Variants in PHLDB2 observed in about 807,000 individuals in gnomAD.
PHLDB2 encodes pleckstrin homology-like domain family B member 2.
A neutral mutation model predicts 123.6 loss-of-function variants in PHLDB2; 71 were observed. The observed-to-expected ratio is 0.57, with a 90% CI of 0.47 to 0.70. PHLDB2 has a LOEUF of 0.70. Ranked by LOEUF, PHLDB2 falls within the 30% of genes least tolerant of loss-of-function variation. PHLDB2 has a pLI of 0.00. For missense variants in PHLDB2, 1,446 were observed against 1,519.5 expected, an observed-to-expected ratio of 0.95 and a Z score of 0.80; for synonymous variants, 547 against 541.6, an observed-to-expected ratio of 1.01 and a Z score of -0.14.
At chr3:111,898,563 A>G (rs2107429504) in intron 2 of PHLDB2, among the ~76,000 whole-genome samples, 1 of 152,312 alleles carries the variant, frequency 6.6e-6, no homozygotes, top group African/African-American at 2.4e-5. Context: ...CCTCTGCAGC[A>G]TGCAACGCTG....
intron 1 of PHLDB2, among the ~76,000 whole-genome samples, chr3:111,760,257 T>A (rs2059969984): frequency 6.6e-6 from 1 of 152,230 alleles, no homozygotes; most frequent in Non-Finnish European, 1.5e-5. Flanking sequence ...ACATTGTCCA[T>A]CAGCAGAAAC....
chr3:111,736,508 C>G (rs2059510421), intron 1 of PHLDB2, among the ~76,000 whole-genome samples: 2 of 152,190 alleles, frequency 1.3e-5, no homozygotes, highest in African/African-American at 4.8e-5. Flanking sequence ...CAGTCTCACT[C>G]AGCTAAGTCC....
intron 1 of PHLDB2, among the ~76,000 whole-genome samples, chr3:111,811,649 C>A: frequency 6.6e-6 from 1 of 152,120 alleles, no homozygotes; most frequent in Non-Finnish European, 1.5e-5. Context: ...TCACTACACA[C>A]ACACATACAC....
At chr3:111,961,975 C>G in intron 12 of PHLDB2, 133 bp from the exon 13 acceptor site, 1 of 823,424 alleles carries the variant, frequency 1.2e-6, no homozygotes, top group Non-Finnish European at 1.9e-6. Flanking sequence ...ATCTTCTTGG[C>G]TTCAAAACAA....
At chr3:111,798,903 C>T (rs971906858) in intron 1 of PHLDB2, among the ~76,000 whole-genome samples, 2 of 152,124 alleles carry the variant, frequency 1.3e-5, no homozygotes, top group Non-Finnish European at 2.9e-5. Flanking sequence ...CTAATAAAGA[C>T]ATACCCAAGA....
At chr3:111,781,823 C>T (rs758954783) in intron 1 of PHLDB2, among the ~76,000 whole-genome samples, 6 of 152,012 alleles carry the variant, frequency 3.9e-5, no homozygotes, top group East Asian at 1.9e-4. Flanking sequence ...GAAAAGAATC[C>T]GGAGAACTTT....
chr3:111,743,200 G>A (rs2059631726), intron 1 of PHLDB2, among the ~76,000 whole-genome samples: 1 of 152,220 alleles, frequency 6.6e-6, no homozygotes, highest in Non-Finnish European at 1.5e-5. Flanking sequence ...CAAGAGTAGA[G>A]ACAGTTGTGG....
chr3:111,751,226 C>G (rs2059769009), intron 1 of PHLDB2, among the ~76,000 whole-genome samples: 1 of 150,326 alleles, frequency 6.7e-6, no homozygotes, highest in Admixed American at 6.7e-5. Context: ...TAGTAACCAC[C>G]AGGGAGTCCA....
rs75754480 is a variant in PHLDB2, at chr3:111,844,246, A to T, written c.-48-1575A>T. 3.2e-3 allele frequency among the ~76,000 whole-genome samples: 490 copies of T among 152,292 alleles called. 1 individual carries two copies. The highest frequency in any genetic ancestry group is 5.2e-3 in the Non-Finnish European group (351 of 68,018). ...CTCCCTCCCATTTTGAAAAAAAACAAAAACAAACTTGTCTTGATCTGCATC... is the reference window on the plus strand; with the variant it reads ...CTCCCTCCCATTTTGAAAAAAAACATAAACAAACTTGTCTTGATCTGCATC... On this transcript the variant is annotated intron_variant, in intron 1 of 17. Coordinates refer to the PHLDB2 transcript ENST00000393923.
In PHLDB2 at chr3:111,945,372, T is replaced by A. The variant is rs750073837; in HGVS notation, c.2487+15T>A. ...CTTTAAAAGAGGTAAGCTATGATTT[T>A]ACATGTCGCTTTATGTTGCCTTAGA... On this transcript the variant is annotated intron_variant, in intron 9 of 17. Transcript: ENST00000431670. 2.6e-6 allele frequency: 4 copies of A among 1,538,750 alleles called. No homozygotes were observed. In the East Asian group the frequency reaches 9.0e-5, roughly 35 times the overall value.
At chr3:111,888,504 T>A (rs950133620) in intron 2 of PHLDB2, among the ~76,000 whole-genome samples, 14 of 152,140 alleles carry the variant, frequency 9.2e-5, no homozygotes, top group Non-Finnish European at 1.5e-4. Flanking sequence ...AATAGATTAT[T>A]TTATGATGAG....
intron 2 of PHLDB2, among the ~76,000 whole-genome samples, chr3:111,904,793 T>A (rs1267203624): frequency 1.3e-5 from 2 of 152,112 alleles, no homozygotes; most frequent in African/African-American, 4.8e-5. Context: ...CAAGGTGCAG[T>A]GGTGCAGGCA....
intron 1 of PHLDB2, among the ~76,000 whole-genome samples, chr3:111,816,908 C>G (rs905554421): frequency 6.6e-6 from 1 of 152,160 alleles, no homozygotes; most frequent in African/African-American, 2.4e-5. Context: ...GGGGGTGAGT[C>G]TTTCCTGCAG....
At chr3:111,912,490 A>G (rs892021590) in intron 2 of PHLDB2, among the ~76,000 whole-genome samples, 1 of 152,146 alleles carries the variant, frequency 6.6e-6, no homozygotes, top group Non-Finnish European at 1.5e-5. Context: ...TTTTAGTGCA[A>G]CATTCTATCT....
intron 1 of PHLDB2, among the ~76,000 whole-genome samples, chr3:111,743,386 C>G (rs1421675824): frequency 6.6e-6 from 1 of 152,150 alleles, no homozygotes; most frequent in African/African-American, 2.4e-5. Context: ...CTGTGCAGTC[C>G]AGGGCTCGCA....
intron 1 of PHLDB2, among the ~76,000 whole-genome samples, chr3:111,821,307 G>C (rs892099725): frequency 6.6e-5 from 10 of 152,300 alleles, no homozygotes; most frequent in Admixed American, 6.5e-4. Context: ...AATATGTGAT[G>C]CGTCTGTATT....
chr3:111,827,072 CAG>C (rs1328888352), intron 1 of PHLDB2, among the ~76,000 whole-genome samples: 1 of 152,190 alleles, frequency 6.6e-6, no homozygotes, highest in Non-Finnish European at 1.5e-5. Flanking sequence ...AAACAAAAAA[CAG>C]AGGTGCTACT....
chr3:111,857,619 T>C (rs2064579642), upstream of PHLDB2, among the ~76,000 whole-genome samples: 1 of 152,148 alleles, frequency 6.6e-6, no homozygotes, highest in Non-Finnish European at 1.5e-5. Flanking sequence ...GATCAGTGTA[T>C]GTATGCTTCT....
intron 2 of PHLDB2, chr3:111,911,525 C>A: frequency 8.8e-7 from 1 of 1,137,342 alleles, no homozygotes; most frequent in South Asian, 1.4e-5. Context: ...GTCCCCCCTG[C>A]TTCCTCCCTA....
Sources: allele counts gnomAD v4.1 joint callset (sites outside exome capture counted in the v4.1 genomes callset), GRCh38; gene constraint gnomAD v4.1.1; transcripts MANE v1.5; gene names NCBI Gene and HGNC (gene_info 2026-07-23, HGNC 2026-07-21).